The following CBX7 variants were observed in gnomAD, a reference collection of about 807,000 sequenced individuals.
CBX7 encodes chromobox 7, also known as chromobox protein homolog 7.
In CBX7, 14 loss-of-function variants were observed where a neutral mutation model predicts 31.4. The observed-to-expected ratio is 0.45, with a 90% CI of 0.29 to 0.70. The LOEUF is 0.70. Ranked by LOEUF, CBX7 falls within the 30% of genes least tolerant of loss-of-function variation. The pLI is 0.11. For synonymous variants in CBX7, 159 were observed against 152.6 expected (o/e 1.04, Z -0.31); for missense variants, 269 against 351.9 (o/e 0.76, Z 1.89).
intron 5 of CBX7, 32 bp from the exon 6 acceptor site, chr22:39,134,080 G>A (rs753572942): frequency 2.7e-5 from 42 of 1,561,900 alleles, no homozygotes; most frequent in South Asian, 5.8e-5. Flanking sequence ...TGGGGGCAGC[G>A]TTGACAAGGT....
At chr22:39,135,026 T>C (rs1044268539) in intron 4 of CBX7, 5 of 415,714 alleles carry the variant, frequency 1.2e-5, no homozygotes, top group Middle Eastern at 6.1e-4. Context: ...CAGAGAAGCA[T>C]ACAAGAAGGA....
Position 39,134,739 on chromosome 22 carries a change from A to G in CBX7, c.260T>C (p.Met87Thr), listed in dbSNP as rs1332063376. Residue 87 changes from methionine to threonine, a missense_variant, in exon 5 of 6, where the codon ATG becomes ACG. This residue lies in a region of CBX7 where 222 missense variants were observed against 240.4 expected (regional missense o/e 0.92). Coordinates refer to ENST00000216133, the MANE Select transcript of CBX7 (RefSeq NM_175709.5). Reference protein sequence around the residue: ...KRLLLQRLYSMDLRSSHKAKG... With the variant: ...KRLLLQRLYSTDLRSSHKAKG... ...GGCCTTGTGGGAGCTCCGCAGGTCC[A>G]TGCTGTACAGCCGCTGCGGGGGCAA... 2 of 1,543,368 alleles carry G rather than the reference A, an allele frequency of 1.3e-6. No homozygotes were observed. Among genetic ancestry groups the G allele is most frequent in the South Asian group, 1.2e-5 (1 of 84,678 alleles).
At chr22:39,138,814 CA>C in intron 3 of CBX7, 112 bp from the exon 4 acceptor site, 1 of 932,726 alleles carries the variant, frequency 1.1e-6, no homozygotes, top group Non-Finnish European at 1.7e-6. Flanking sequence ...GGACACTCCC[CA>C]CAGGCCTGCC....
rs1424687552 is a variant in CBX7 at position 39,134,621 on chromosome 22, C to T, written c.378G>A (p.Val126=). ...GVVKAGAPEL[V]DKGPLVPTLP... ...GGGTGGGCACCAAGGGGCCCTTGTCCACCAGCTCAGGTGCCCCCGCCTTGA... is the reference window on the plus strand; with the variant it reads ...GGGTGGGCACCAAGGGGCCCTTGTCTACCAGCTCAGGTGCCCCCGCCTTGA... The change falls in exon 5 of 6, where the codon GTG becomes GTA. Residue 126 remains valine, a synonymous_variant. Transcript: ENST00000216133. 3 of 1,585,494 alleles carry T rather than the reference C, an allele frequency of 1.9e-6. No homozygotes were observed. The highest frequency in any genetic ancestry group is 2.6e-6 in the Non-Finnish European group (3 of 1,165,720).
chr22:39,146,096 G>T (rs992047832), intron 2 of CBX7, among the ~76,000 whole-genome samples: 1 of 152,244 alleles, frequency 6.6e-6, no homozygotes, highest in African/African-American at 2.4e-5. Flanking sequence ...CTCTGGTCCA[G>T]ACTGCGGGGT....
intron 2 of CBX7, among the ~76,000 whole-genome samples, chr22:39,146,859 C>G (rs1471438044): frequency 6.6e-6 from 1 of 152,172 alleles, no homozygotes; most frequent in African/African-American, 2.4e-5. Context: ...GAAGGGGGAA[C>G]AGCAGGGCCC....
rs1930879230 is a variant in CBX7, at chr22:39,152,093, G to C, written c.69+283C>G. Among the ~76,000 whole-genome samples the C allele has an allele frequency of 6.6e-6, 1 of 152,132 alleles. No individual in the cohort carries two copies. The highest frequency in any genetic ancestry group is 6.5e-5 in the Admixed American group (1 of 15,276). ...AGTCTCCCCATATTTACAATAAAAGGGGAGCGAGGTGGGATGGCGCTGAGG... is the reference window on the plus strand; with the variant it reads ...AGTCTCCCCATATTTACAATAAAAGCGGAGCGAGGTGGGATGGCGCTGAGG... On this transcript the variant is annotated intron_variant, in intron 1 of 5. Coordinates refer to ENST00000216133, the MANE Select transcript of CBX7 (RefSeq NM_175709.5). The surrounding 1 kb of genome is among the most constrained non-coding windows in gnomAD (Gnocchi z 4.9).
In CBX7 at chr22:39,130,876, T is replaced by C. The variant is rs1324255706; in HGVS notation, c.*3015A>G. On this transcript the variant is annotated 3_prime_UTR_variant, in exon 6 of 6. Transcript: ENST00000216133. ...TAGATGCTATACAGTCTCTTACCAA[T>C]GTCAGTACAAAAATAAAACCGCGCT... is the stretch of plus-strand genomic sequence containing the variant. The C allele has an allele frequency of 1.3e-5, 2 of 152,584 alleles. No homozygotes were observed. The highest frequency in any genetic ancestry group is 1.9e-4 in the East Asian group (1 of 5,204). 9.5% of individuals were successfully genotyped at this position (152,584 alleles called of 1,614,324 possible). A position where few individuals can be genotyped will look rare whatever the true frequency, so the allele number is the denominator to read the frequency against.
chr22:39,140,316 C>T (rs563433535), intron 3 of CBX7, among the ~76,000 whole-genome samples: 1 of 152,356 alleles, frequency 6.6e-6, no homozygotes, highest in South Asian at 2.1e-4. Context: ...CTGTCCACTG[C>T]TCTCCTTACC....
rs1930122907 is a variant in CBX7, at chr22:39,133,569, C to G, written c.*322G>C. 4.7e-6 allele frequency: 1 copy of G among 211,466 alleles called. No individual in the cohort carries two copies. The highest frequency in any genetic ancestry group is 9.4e-6 in the Non-Finnish European group (1 of 106,674). The allele number at this position is 211,466 out of a possible 1,614,324, so 13.1% of individuals were successfully genotyped here. Reference sequence around the variant, plus strand: ...AGAGGGTTTGGGCCTTCCAATGCTCCTTTAACTCCCAGAACCAGCTGCTGC... The same window carrying G: ...AGAGGGTTTGGGCCTTCCAATGCTCGTTTAACTCCCAGAACCAGCTGCTGC... On this transcript the variant is annotated 3_prime_UTR_variant, in exon 6 of 6. Transcript: ENST00000216133.
intron 4 of CBX7, chr22:39,135,048 C>T: frequency 2.6e-6 from 1 of 384,862 alleles, no homozygotes; most frequent in Non-Finnish European, 4.7e-6. Context: ...AAACTGAAAA[C>T]TGGCCAAGAG....
intron 1 of CBX7, among the ~76,000 whole-genome samples, chr22:39,150,798 C>T (rs1601568729): frequency 6.6e-6 from 1 of 152,132 alleles, no homozygotes; most frequent in East Asian, 1.9e-4. Context: ...ACAGTCCAAC[C>T]CCATTGTGAG....
rs1019623462 is a variant in CBX7, at chr22:39,132,320, G to C, written c.*1571C>G. ...CACAGAGCAGAGCTGCGAGGAGGGC[G>C]GGCAGGTCTCAAACTTGCTGGCCGC... On this transcript the variant is annotated 3_prime_UTR_variant, in exon 6 of 6. Transcript: ENST00000216133. 1 of 152,174 alleles carries C rather than the reference G, an allele frequency of 6.6e-6. No individual in the cohort carries two copies. The highest frequency in any genetic ancestry group is 1.5e-5 in the Non-Finnish European group (1 of 68,060). The allele number at this position is 152,174 out of a possible 1,614,324, so 9.4% of individuals were successfully genotyped here.
chr22:39,137,029 A>G lies in CBX7; in HGVS notation c.246+1607T>C, dbSNP rs1930278354. Among the ~76,000 whole-genome samples, 6 of 152,346 alleles carry G rather than the reference A, an allele frequency of 3.9e-5. No individual in the cohort carries two copies. The South Asian group carries it at 1.2e-3, about 32-fold the overall frequency. On this transcript the variant is annotated intron_variant, in intron 4 of 5. Coordinates refer to ENST00000216133, the MANE Select transcript of CBX7 (RefSeq NM_175709.5). ...CAAGAATCCTGACTTTCTGGCTTCC[A>G]ATATCCTGCCTGGTGGGTCTTATTA...
In CBX7 at chr22:39,152,409, G is replaced by A. The variant is rs530915878; in HGVS notation, c.36C>T (p.Ala12=). ...CGCGCTTCTTCCGGATGCTCTCCAC[G>A]GCGAACACCTGCTCGCCGATGGCTG... ...ELSAIGEQVF[A]VESIRKKRVR... Residue 12 remains alanine, a synonymous_variant, in exon 1 of 6, where the codon GCC becomes GCT. Coordinates refer to ENST00000216133, the MANE Select transcript of CBX7 (RefSeq NM_175709.5). The surrounding 1 kb of genome is among the most constrained non-coding windows in gnomAD (Gnocchi z 4.9). 3.7e-6 allele frequency: 5 copies of A among 1,359,882 alleles called. No homozygotes were observed. Among genetic ancestry groups the A allele is most frequent in the African/African-American group, 1.5e-5 (1 of 66,970 alleles). 84.2% of individuals were successfully genotyped at this position (1,359,882 alleles called of 1,614,324 possible).
chr22:39,141,203 G>A (rs1318474458), intron 3 of CBX7, 168 bp downstream of exon 3: 8 of 571,788 alleles, frequency 1.4e-5, no homozygotes, highest in Non-Finnish European at 2.2e-5. Context: ...GTCCTCAGCT[G>A]CCCTGGGACT....
chr22:39,134,026 C>T lies in CBX7; in HGVS notation c.621G>A (p.Gly207=), dbSNP rs764703324. The change falls in exon 6 of 6, where the codon GGG becomes GGA. Residue 207 remains glycine (G), a synonymous_variant. Transcript: ENST00000216133. The part of the protein sequence containing the change: ...EEEADADLAE[G]PPPWTPALPS... ...GGAGCGCAGGTGTCCAGGGAGGGGG[C>T]CCCTCGGCCAGGTCGGCATCTGCTG... 2.3e-5 allele frequency: 37 copies of T among 1,604,616 alleles called. No individual in the cohort carries two copies. Among genetic ancestry groups the T allele is most frequent in the Non-Finnish European group, 3.1e-5 (36 of 1,173,926 alleles).
chr22:39,146,226 C>G (rs1569111400), intron 2 of CBX7, among the ~76,000 whole-genome samples: 1 of 152,222 alleles, frequency 6.6e-6, no homozygotes, highest in Non-Finnish European at 1.5e-5. Flanking sequence ...GAAAGCATTT[C>G]GATCAGTGTG....
intron 4 of CBX7, among the ~76,000 whole-genome samples, chr22:39,137,148 T>C (rs1050580456): frequency 7.2e-5 from 11 of 152,160 alleles, no homozygotes; most frequent in Non-Finnish European, 1.2e-4. Context: ...TTATCCGAAA[T>C]GCTTGGAACC....
Sources: allele counts gnomAD v4.1 joint callset (sites outside exome capture counted in the v4.1 genomes callset), GRCh38; gene constraint gnomAD v4.1.1; regional missense constraint gnomAD v4.1.1; non-coding constraint Gnocchi (gnomAD v3.1); transcripts MANE v1.5; gene names NCBI Gene and HGNC (gene_info 2026-07-23, HGNC 2026-07-21).